CDX4: variants seen among roughly 807,000 people sequenced by gnomAD.
The protein encoded by CDX4 is caudal type homeobox 4, also known as homeobox protein CDX-4.
CDX4 carries 11 observed loss-of-function variants against 14.1 expected under a neutral mutation model. The ratio of observed to expected loss-of-function variants is 0.78; its 90% confidence interval spans 0.49 to 1.29. The LOEUF is 1.29. CDX4 is among the 50% of genes most tolerant of loss of function. The pLI is 0.00. For synonymous variants in CDX4, 100 were observed against 93.5 expected (o/e 1.07, Z -0.40); for missense variants, 257 against 237.4 (o/e 1.08, Z -0.54).
At chrX:73,447,885 C>A in intron 1 of CDX4, 130 bp downstream of exon 1, 1 of 747,900 alleles carries the variant, frequency 1.3e-6, no homozygotes, top group Non-Finnish European at 1.9e-6. Context: ...CCCTATATGG[C>A]TGGCTGGCCT....
In CDX4 at chrX:73,454,367, A is replaced by G. The variant is rs2057099546; in HGVS notation, c.649-12A>G. ...TTAACTGCATTCAGTATGTTGCCCC[A>G]TTGTGTTTCAGGTGAAAATCTGGTT... On this transcript the variant is annotated splice_polypyrimidine_tract_variant and intron_variant, in intron 2 of 2. Transcript: ENST00000373514. 3 of 1,160,544 alleles carry G rather than the reference A, an allele frequency of 2.6e-6. No homozygotes were observed. Among genetic ancestry groups the G allele is most frequent in the Non-Finnish European group, 3.5e-6 (3 of 851,088 alleles).
At position 73,454,411 on chromosome X, in the gene CDX4, G is replaced by A. The variant is rs1441746956; in HGVS notation, c.681G>A (p.Lys227=). Residue 227 remains lysine (K), a synonymous_variant, in exon 3 of 3, where the codon AAG becomes AAA. Transcript: ENST00000373514. The stretch of plus-strand genomic sequence containing the variant: ...TCTGGTTTCAGAATCGCAGAGCCAA[G>A]GAGAGAAAGATGATCAAAAAGAAAA... ...VKIWFQNRRA[K]ERKMIKKKIS... is the part of the protein sequence containing the mutation. The A allele has an allele frequency of 8.3e-7, 1 of 1,208,964 alleles. No homozygotes were observed. The highest frequency in any genetic ancestry group is 2.2e-5 in the Admixed American group (1 of 45,856).
chrX:73,452,551 C>T (rs2057092067), intron 1 of CDX4, among the ~76,000 whole-genome samples: 1 of 111,295 alleles, frequency 9.0e-6, no homozygotes, highest in Admixed American at 9.5e-5. Flanking sequence ...TAACACAAAG[C>T]AAATGTTTGT....
At chrX:73,449,715 T>C (rs1166200965) in intron 1 of CDX4, among the ~76,000 whole-genome samples, 1 of 111,869 alleles carries the variant, frequency 8.9e-6, no homozygotes, top group East Asian at 2.8e-4. Flanking sequence ...TAGTCTAAGG[T>C]GCATATTTAG....
At chrX:73,453,456 T>C (rs2057095655) in intron 1 of CDX4, 61 bp from the exon 2 acceptor site, 2 of 1,013,282 alleles carry the variant, frequency 2.0e-6, no homozygotes, top group East Asian at 6.8e-5. Flanking sequence ...ATGATTTCTT[T>C]AACTAAAACA....
intron 1 of CDX4, among the ~76,000 whole-genome samples, chrX:73,450,737 C>T (rs747256349): frequency 1.3e-4 from 15 of 111,587 alleles, no homozygotes; most frequent in Non-Finnish European, 2.5e-4. Flanking sequence ...TGAAATATTA[C>T]CATAAGATGA....
At position 73,447,418 on chromosome X, in the gene CDX4, G is replaced by C; in HGVS notation, c.165G>C (p.Gly55=). ...AAAPAFSHYM[G]YPHMPSMDPH... ...CACCGGCTTTCTCGCACTATATGGG[G>C]TATCCTCATATGCCCAGCATGGATC... The change falls in exon 1 of 3, where the codon GGG becomes GGC. Residue 55 remains glycine (G), a synonymous_variant. Transcript: ENST00000373514. The C allele has an allele frequency of 8.3e-7, 1 of 1,211,184 alleles. No individual in the cohort carries two copies. Among genetic ancestry groups the C allele is most frequent in the Non-Finnish European group, 1.1e-6 (1 of 895,153 alleles).
Position 73,453,668 on chromosome X carries a change from C to A in CDX4, c.648+6C>A. Reference sequence around the variant, plus strand: ...TGGGCCTTTCCGAGAGACAGGTACACCAGAAGTATATCCAACATGTCCCGT... The same window carrying A: ...TGGGCCTTTCCGAGAGACAGGTACAACAGAAGTATATCCAACATGTCCCGT... On this transcript the variant is annotated splice_donor_region_variant and intron_variant, in intron 2 of 2. Coordinates refer to ENST00000373514, the MANE Select transcript of CDX4 (RefSeq NM_005193.2). The A allele has an allele frequency of 8.4e-7, 1 of 1,195,380 alleles. No individual in the cohort carries two copies. Among genetic ancestry groups the A allele is most frequent in the South Asian group, 1.8e-5 (1 of 55,364 alleles).
rs1026953328 is a variant in CDX4, at chrX:73,448,545, C to G, written c.502+790C>G. On this transcript the variant is annotated intron_variant, in intron 1 of 2. Coordinates refer to ENST00000373514, the MANE Select transcript of CDX4 (RefSeq NM_005193.2). ...TAATAAATGGCTAAAGCCCTCATAA[C>G]TATCAAAGCAGGCGTCTCTCAGGCG... is the stretch of plus-strand genomic sequence containing the variant. Among the ~76,000 whole-genome samples, 4 of 112,232 alleles carry G rather than the reference C, an allele frequency of 3.6e-5. No homozygotes were observed. The Admixed American group carries it at 3.8e-4, about 11-fold the overall frequency.
In CDX4 at chrX:73,447,768, T is replaced by A. The variant is rs1417275060; in HGVS notation, c.502+13T>A. The A allele has an allele frequency of 8.6e-7, 1 of 1,156,098 alleles. No individual in the cohort carries two copies. Among genetic ancestry groups the A allele is most frequent in the Non-Finnish European group, 1.1e-6 (1 of 871,884 alleles). On this transcript the variant is annotated intron_variant, in intron 1 of 2. Transcript: ENST00000373514. ...GTGCAGGTGACGGGTGAGTAATCAA[T>A]TCCAATGCCCACACACTTTTCCTTC...
At position 73,447,259 on chromosome X, in the gene CDX4, C is replaced by A; in HGVS notation, c.6C>A (p.Tyr2Ter). Residue 2 changes from tyrosine to a stop codon, truncating the protein, a stop_gained, in exon 1 of 3, where the codon TAC becomes TAA. Coordinates refer to ENST00000373514, the MANE Select transcript of CDX4 (RefSeq NM_005193.2). LOFTEE classifies it high-confidence loss of function. M[Y>*]GSCLLEKEAG... ...CGCCTTCTACCCAAGACACGATGTA[C>A]GGAAGCTGTCTTTTGGAGAAAGAAG... The A allele has an allele frequency of 8.3e-7, 1 of 1,206,193 alleles. No individual in the cohort carries two copies. Among genetic ancestry groups the A allele is most frequent in the Non-Finnish European group, 1.1e-6 (1 of 891,959 alleles).
intron 1 of CDX4, among the ~76,000 whole-genome samples, chrX:73,453,072 G>A (rs756602137): frequency 8.9e-6 from 1 of 111,919 alleles, no homozygotes; most frequent in South Asian, 3.7e-4. Context: ...GTAGTGGGAA[G>A]TGCCTGTATA....
At chrX:73,454,302 T>C (rs922816744) in intron 2 of CDX4, 77 bp from the exon 3 acceptor site, 5 of 697,493 alleles carry the variant, frequency 7.2e-6, no homozygotes, top group Non-Finnish European at 8.6e-6. Context: ...AAGGGCTTTG[T>C]AAATGCTAAA....
intron 1 of CDX4, among the ~76,000 whole-genome samples, chrX:73,452,845 C>A (rs375556961): frequency 2.7e-5 from 3 of 111,628 alleles, no homozygotes; most frequent in African/African-American, 6.5e-5. Context: ...TGCGTCCCAG[C>A]ATATTTGAAC....
chrX:73,453,314 T>G (rs1471636668), intron 1 of CDX4, among the ~76,000 whole-genome samples: 4 of 111,698 alleles, frequency 3.6e-5, no homozygotes, highest in Non-Finnish European at 5.7e-5. Flanking sequence ...CTATAGATGG[T>G]AGACAGAGAT....
At position 73,454,478 on chromosome X, in the gene CDX4, T is replaced by G. The variant is rs1196960024; in HGVS notation, c.748T>G (p.Ser250Ala). 6.7e-6 allele frequency: 8 copies of G among 1,188,140 alleles called. No homozygotes were observed. Among genetic ancestry groups the G allele is most frequent in the Admixed American group, 2.3e-5 (1 of 44,424 alleles). Reference protein sequence around the residue: ...ENSGGSVQSDSDSISPGELPN... With the variant: ...ENSGGSVQSDADSISPGELPN... Reference sequence around the variant, plus strand: ...TAGTGGAGGCTCGGTGCAAAGTGACTCTGACTCCATCAGCCCTGGGGAACT... The same window carrying G: ...TAGTGGAGGCTCGGTGCAAAGTGACGCTGACTCCATCAGCCCTGGGGAACT... Residue 250 changes from serine (S) to alanine (A), a missense_variant, in exon 3 of 3, where the codon TCT becomes GCT. Ser to Ala is a moderately conservative substitution (Grantham distance 99). Transcript: ENST00000373514.
chrX:73,451,620 A>C (rs964999822), intron 1 of CDX4, among the ~76,000 whole-genome samples: 34 of 111,128 alleles, frequency 3.1e-4, no homozygotes, highest in Non-Finnish European at 3.6e-4. Context: ...GCAAGAGGGG[A>C]ATTTATGACC....
In CDX4 at chrX:73,447,541, G is replaced by A; in HGVS notation, c.288G>A (p.Val96=). 1 of 1,211,517 alleles carries A rather than the reference G, an allele frequency of 8.3e-7. No individual in the cohort carries two copies. Among genetic ancestry groups the A allele is most frequent in the Non-Finnish European group, 1.1e-6 (1 of 895,303 alleles). The change falls in exon 1 of 3, where the codon GTG becomes GTA. Residue 96 remains valine (V), a synonymous_variant. Coordinates refer to ENST00000373514, the MANE Select transcript of CDX4 (RefSeq NM_005193.2). ...YPGPSSTMGT[V]PVNDVTSSPA... ...GGCCGTCTAGTACAATGGGCACAGT[G>A]CCGGTGAACGACGTGACCTCTAGCC...
Position 73,454,622 on chromosome X carries a change from A to T in CDX4, c.*37A>T. 9.5e-7 allele frequency: 1 copy of T among 1,054,719 alleles called. No homozygotes were observed. The highest frequency in any genetic ancestry group is 1.3e-6 in the Non-Finnish European group (1 of 760,724). 86.9% of individuals were successfully genotyped at this position (1,054,719 alleles called of 1,213,427 possible). A position where few individuals can be genotyped will look rare whatever the true frequency, so the allele number is the denominator to read the frequency against. ...GAGAAATTTAAAGTGCCCTTTTTTT[A>T]GTGATGTCTTTTGGGTCTCTAAGCT... On this transcript the variant is annotated 3_prime_UTR_variant, in exon 3 of 3. Transcript: ENST00000373514.
Sources: allele counts gnomAD v4.1 joint callset (sites outside exome capture counted in the v4.1 genomes callset), GRCh38; gene constraint gnomAD v4.1.1; transcripts MANE v1.5; gene names NCBI Gene and HGNC (gene_info 2026-07-23, HGNC 2026-07-21).